FHL2: variants seen among roughly 807,000 people sequenced by gnomAD.
FHL2 encodes four and a half LIM domains 2.
Under a neutral mutation model 32.7 loss-of-function variants are expected in FHL2, and 20 were observed. That is an observed-to-expected ratio of 0.61 (90% confidence interval 0.43 to 0.89). The LOEUF (loss-of-function observed/expected upper bound fraction) is 0.89. Among genes scored for constraint, FHL2 ranks in the 40% least tolerant of loss-of-function variants. The probability of loss-of-function intolerance (pLI) is 0.00; values close to 1 mark genes in which losing one functional copy is unlikely to be tolerated. For synonymous variants in FHL2, 123 were observed against 128.1 expected, an observed-to-expected ratio of 0.96 and a Z score of 0.27; for missense variants, 311 against 358.6, an observed-to-expected ratio of 0.87 and a Z score of 1.07.
rs1573378628 is a variant in FHL2, at chr2:105,399,016, G to C, written c.-250C>G. The C allele has an allele frequency of 6.7e-7, 1 of 1,494,466 alleles. No homozygotes were observed. Among genetic ancestry groups the C allele is most frequent in the Admixed American group, 2.4e-5 (1 of 41,840 alleles). 92.6% of individuals were successfully genotyped at this position (1,494,466 alleles called of 1,614,324 possible). A position where few individuals can be genotyped will look rare whatever the true frequency, so the allele number is the denominator to read the frequency against. On this transcript the variant is annotated 5_prime_UTR_variant, in exon 1 of 7. Transcript: ENST00000530340. The stretch of plus-strand genomic sequence containing the variant: ...CTCCCGGACGGGGCTGGAGGGCGCG[G>C]GCGGCTGGTGGCTGCGGCTCCGCTG...
chr2:105,416,970 C>T (rs1001988363), intron 1 of FHL2, among the ~76,000 whole-genome samples: 13 of 152,216 alleles, frequency 8.5e-5, no homozygotes, highest in African/African-American at 3.1e-4. Flanking sequence ...GAAGAAACAT[C>T]TTGTTGAACT....
At chr2:105,410,011 A>G (rs1284424187) in intron 1 of FHL2, among the ~76,000 whole-genome samples, 1 of 152,216 alleles carries the variant, frequency 6.6e-6, no homozygotes, top group Non-Finnish European at 1.5e-5. Flanking sequence ...TGAGCTGGGG[A>G]TGCTGAGATT....
intron 1 of FHL2, among the ~76,000 whole-genome samples, chr2:105,408,199 T>TGACC (rs1683693647): frequency 6.6e-6 from 1 of 152,208 alleles, no homozygotes; most frequent in Admixed American, 6.5e-5. Flanking sequence ...GGCCCACATA[T>TGACC]GACCACTGCC....
intron 1 of FHL2, among the ~76,000 whole-genome samples, chr2:105,411,276 T>G (rs1683780485): frequency 6.6e-6 from 1 of 152,222 alleles, no homozygotes; most frequent in South Asian, 2.1e-4. Context: ...AGTATTATCT[T>G]TGAGTTTGTT....
At chr2:105,402,247 GTA>G (rs148492419), upstream of FHL2, among the ~76,000 whole-genome samples, 3 of 150,184 alleles carry the variant, frequency 2.0e-5, no homozygotes, top group South Asian at 2.1e-4. Context: ...GTGTGTGTGT[GTA>G]TATATATATG....
At chr2:105,369,878 A>T (rs1318182571) in intron 4 of FHL2, among the ~76,000 whole-genome samples, 1 of 152,206 alleles carries the variant, frequency 6.6e-6, no homozygotes, top group African/African-American at 2.4e-5. Flanking sequence ...CAGGGAATGC[A>T]CAGGGCACCT....
At chr2:105,437,928 T>TG (rs1684660645) in intron 1 of FHL2, among the ~76,000 whole-genome samples, 1 of 152,236 alleles carries the variant, frequency 6.6e-6, no homozygotes, top group South Asian at 2.1e-4. Flanking sequence ...ATCAGTAATT[T>TG]GTCTTTTCAT....
chr2:105,361,185 G>GTGGC lies in FHL2; in HGVS notation c.*94_*97dup, dbSNP rs1308864748. 1 of 1,262,532 alleles carries GTGGC rather than the reference G, an allele frequency of 7.9e-7. No homozygotes were observed. The highest frequency in any genetic ancestry group is 1.5e-5 in the African/African-American group (1 of 67,236). 78.2% of individuals were successfully genotyped at this position (1,262,532 alleles called of 1,614,324 possible). On this transcript the variant is annotated 3_prime_UTR_variant, in exon 7 of 7. Transcript: ENST00000530340. ...AAAAGCACTAGAAGAAAGTCTCAAT[G>GTGGC]TGGCTGGAAGAAACCAGAAGGCAAG... is the stretch of plus-strand genomic sequence containing the variant.
At chr2:105,426,514 C>G (rs2104676298) in intron 1 of FHL2, among the ~76,000 whole-genome samples, 1 of 152,324 alleles carries the variant, frequency 6.6e-6, no homozygotes, top group Non-Finnish European at 1.5e-5. Flanking sequence ...CTCTTCTGCT[C>G]TGCACCAGGG....
chr2:105,373,133 C>A lies in FHL2; in HGVS notation c.331+426G>T, dbSNP rs546964192. ...CAGGTGCACCTCGGCTCACACCCTACGAATGCTCAGCTCGAGCCCAGTGCC... is the reference window on the plus strand; with the variant it reads ...CAGGTGCACCTCGGCTCACACCCTAAGAATGCTCAGCTCGAGCCCAGTGCC... On this transcript the variant is annotated intron_variant, in intron 4 of 6. Coordinates refer to ENST00000530340, the MANE Select transcript of FHL2 (RefSeq NM_001318895.3). Among the ~76,000 whole-genome samples, 11 of 152,274 alleles carry A rather than the reference C, an allele frequency of 7.2e-5. No homozygotes were observed. In the East Asian group the frequency reaches 2.1e-3, roughly 29 times the overall value.
At chr2:105,426,749 A>G (rs976776491) in intron 1 of FHL2, among the ~76,000 whole-genome samples, 2 of 152,244 alleles carry the variant, frequency 1.3e-5, no homozygotes, top group Non-Finnish European at 2.9e-5. Flanking sequence ...ACACACGCAC[A>G]GCAACACCCA....
chr2:105,374,580 T>G (rs1344244635), intron 3 of FHL2: 1 of 151,754 alleles, frequency 6.6e-6, no homozygotes, highest in East Asian at 1.9e-4. Context: ...TGAGCACACA[T>G]GAGAGAGGCC....
At chr2:105,392,802 T>C (rs902730902) in intron 2 of FHL2, among the ~76,000 whole-genome samples, 1 of 142,086 alleles carries the variant, frequency 7.0e-6, no homozygotes, top group Non-Finnish European at 1.5e-5. Context: ...GGACCCTGCA[T>C]GCCAGGAAGC....
intron 1 of FHL2, among the ~76,000 whole-genome samples, chr2:105,407,823 G>A (rs997684523): frequency 1.3e-5 from 2 of 152,142 alleles, no homozygotes; most frequent in African/African-American, 4.8e-5. Flanking sequence ...CACCAGCCTA[G>A]GCCTTAATCG....
At chr2:105,417,716 T>C (rs13400470) in intron 1 of FHL2, among the ~76,000 whole-genome samples, 1 of 146,856 alleles carries the variant, frequency 6.8e-6, no homozygotes, top group Non-Finnish European at 1.5e-5. Context: ...AAAGAAAGAA[T>C]GAAAAAAAGA....
At chr2:105,386,652 T>TAAGGTG in intron 2 of FHL2, 112 bp from the exon 3 acceptor site, 1 of 818,382 alleles carries the variant, frequency 1.2e-6, no homozygotes, top group Non-Finnish European at 1.9e-6. Context: ...GGTGGCTAAT[T>TAAGGTG]CCTCTGGATG....
chr2:105,398,998 AC>A lies in FHL2; in HGVS notation c.-233del. 2 of 1,500,594 alleles carry A rather than the reference AC, an allele frequency of 1.3e-6. No homozygotes were observed. Among genetic ancestry groups the A allele is most frequent in the East Asian group, 5.6e-5 (2 of 35,838 alleles). 93.0% of individuals were successfully genotyped at this position (1,500,594 alleles called of 1,614,324 possible). The stretch of plus-strand genomic sequence containing the variant: ...ACCGCAGCGGGCCGGGGACTCCCGG[AC>A]GGGGCTGGAGGGCGCGGGCGGCTGG... On this transcript the variant is annotated 5_prime_UTR_variant, in exon 1 of 7. Transcript: ENST00000530340.
chr2:105,365,615 A>G (rs1680573364), intron 5 of FHL2, among the ~76,000 whole-genome samples: 1 of 151,916 alleles, frequency 6.6e-6, no homozygotes, highest in Non-Finnish European at 1.5e-5. Context: ...CTAAGAATAA[A>G]GAAAAAAACA....
chr2:105,399,319 G>A, upstream of FHL2: 2 of 1,535,902 alleles, frequency 1.3e-6, no homozygotes, highest in Non-Finnish European at 1.7e-6. Flanking sequence ...TCGGGCGCGA[G>A]TTTCGGACGA....
Sources: gnomAD v4.1 joint callset for allele counts (sites outside exome capture counted in the v4.1 genomes callset) on GRCh38, gnomAD v4.1.1 for gene constraint, MANE v1.5 for transcripts, NCBI Gene and HGNC (gene_info 2026-07-23, HGNC 2026-07-21) for gene names.